Variants in KCMF1 observed in about 807,000 individuals in gnomAD.
KCMF1 encodes potassium channel modulatory factor 1, also known as E3 ubiquitin-protein ligase KCMF1.
In KCMF1, 3 loss-of-function variants were observed where a neutral mutation model predicts 41.1. The observed-to-expected ratio is 0.07, with a 90% confidence interval of 0.03 to 0.19. The LOEUF is 0.19. Among genes scored for constraint, KCMF1 ranks in the 10% least tolerant of loss-of-function variants. The probability of loss-of-function intolerance (pLI) is 1.00; values close to 1 mark genes in which losing one functional copy is unlikely to be tolerated. For missense variants in KCMF1, 286 were observed against 488.9 expected (o/e 0.58, Z 3.91); for synonymous variants, 142 against 164.5 (o/e 0.86, Z 1.04).
chr2:84,997,923 C>G (rs2103985648), intron 1 of KCMF1, among the ~76,000 whole-genome samples: 1 of 151,254 alleles, frequency 6.6e-6, no homozygotes, highest in Admixed American at 6.6e-5. Flanking sequence ...GTGTGCATCA[C>G]CACACCCAGC....
chr2:85,052,938 G>T (rs937966368), intron 6 of KCMF1, among the ~76,000 whole-genome samples: 1 of 151,888 alleles, frequency 6.6e-6, no homozygotes, highest in South Asian at 2.1e-4. Flanking sequence ...TTAAAGCATA[G>T]ATTTGCACCT....
intron 2 of KCMF1, among the ~76,000 whole-genome samples, chr2:85,032,258 G>A (rs187157948): frequency 2.2e-4 from 34 of 152,084 alleles, no homozygotes; most frequent in Non-Finnish European, 8.8e-5. Flanking sequence ...TGCAACTTCC[G>A]CCTCCTGGCT....
chr2:85,031,518 A>G (rs1332472074), intron 2 of KCMF1, among the ~76,000 whole-genome samples: 2 of 152,206 alleles, frequency 1.3e-5, no homozygotes, highest in Admixed American at 1.3e-4. Context: ...AATAAATTAC[A>G]TAAAATAGGC....
Position 84,976,868 on chromosome 2 carries a change from TA to T in KCMF1, c.16+5402del, listed in dbSNP as rs1233439873. Among the ~76,000 whole-genome samples, 5 of 152,136 alleles carry T rather than the reference TA, an allele frequency of 3.3e-5. No homozygotes were observed. In the East Asian group the frequency reaches 9.6e-4, roughly 29 times the overall value. On this transcript the variant is annotated intron_variant, in intron 1 of 6. Coordinates refer to ENST00000409785, the MANE Select transcript of KCMF1 (RefSeq NM_020122.5). Reference sequence around the variant, plus strand: ...ACTTAGTCCCAACTTTTTTTGTTTTTATTTTTTTAATTGGCAAAAATTGTAT... The same window carrying T: ...ACTTAGTCCCAACTTTTTTTGTTTTTTTTTTTTAATTGGCAAAAATTGTAT...
At chr2:85,040,875 C>T (rs568292339) in intron 3 of KCMF1, among the ~76,000 whole-genome samples, 158 of 152,202 alleles carry the variant, frequency 1.0e-3, no homozygotes, top group African/African-American at 3.6e-3. Context: ...ATTCTCCTGC[C>T]TCAGCCTCCT....
At chr2:85,030,671 G>T (rs1675245598) in intron 2 of KCMF1, among the ~76,000 whole-genome samples, 1 of 152,110 alleles carries the variant, frequency 6.6e-6, no homozygotes, top group South Asian at 2.1e-4. Flanking sequence ...TAGACTCTCA[G>T]TCTATTCACA....
At chr2:85,021,034 C>G (rs1213205262) in intron 1 of KCMF1, among the ~76,000 whole-genome samples, 3 of 152,068 alleles carry the variant, frequency 2.0e-5, no homozygotes, top group Non-Finnish European at 4.4e-5. Flanking sequence ...CACACTTAGC[C>G]AACTTTTATT....
intron 1 of KCMF1, among the ~76,000 whole-genome samples, chr2:85,008,931 T>C (rs532329131): frequency 5.3e-5 from 8 of 152,196 alleles, no homozygotes; most frequent in Admixed American, 2.0e-4. Context: ...GGTCTTACTA[T>C]ATCGCCCTGG....
At chr2:85,046,804 T>TC (rs933930752) in intron 5 of KCMF1, among the ~76,000 whole-genome samples, 5 of 152,042 alleles carry the variant, frequency 3.3e-5, no homozygotes, top group Non-Finnish European at 7.4e-5. Flanking sequence ...AGTCCAGTAG[T>TC]CCCCCCGTCA....
intron 1 of KCMF1, among the ~76,000 whole-genome samples, chr2:85,001,912 C>T (rs1674338982): frequency 1.3e-5 from 2 of 152,146 alleles, no homozygotes; most frequent in African/African-American, 2.4e-5. Flanking sequence ...AAGCTAGAAA[C>T]CTGCATAATA....
chr2:84,972,240 G>C (rs1286632762), intron 1 of KCMF1: 2 of 152,324 alleles, frequency 1.3e-5, no homozygotes, highest in Non-Finnish European at 2.9e-5. Context: ...AAATGACGAT[G>C]GTGAGGTCTG....
intron 6 of KCMF1, among the ~76,000 whole-genome samples, chr2:85,050,011 G>A (rs1675769237): frequency 6.6e-6 from 1 of 152,100 alleles, no homozygotes; most frequent in South Asian, 2.1e-4. Flanking sequence ...TGAGCCAGGT[G>A]TGATGGTGCG....
chr2:85,030,334 A>C (rs1005318060), intron 2 of KCMF1, among the ~76,000 whole-genome samples: 1 of 151,814 alleles, frequency 6.6e-6, no homozygotes, highest in East Asian at 1.9e-4. Flanking sequence ...CAAAACTTCT[A>C]ATTCTGATAA....
At chr2:84,998,668 T>C (rs959959495) in intron 1 of KCMF1, among the ~76,000 whole-genome samples, 1 of 150,616 alleles carries the variant, frequency 6.6e-6, no homozygotes, top group African/African-American at 2.4e-5. Flanking sequence ...TGATACGTGA[T>C]CCCGGTTCAC....
At chr2:85,028,888 A>G (rs1270785107) in intron 2 of KCMF1, among the ~76,000 whole-genome samples, 1 of 152,238 alleles carries the variant, frequency 6.6e-6, no homozygotes, top group Non-Finnish European at 1.5e-5. Flanking sequence ...AAGGAATGAA[A>G]TAGAAGAGTG....
chr2:85,026,492 A>ATTATTATTATTATTATTT (rs146823537), intron 1 of KCMF1, among the ~76,000 whole-genome samples: 99 of 143,138 alleles, frequency 6.9e-4, no homozygotes, highest in South Asian at 3.9e-3. Context: ...TATTATTATT[A>ATTATTATTATTATTATTT]TTATTTTTAT....
intron 1 of KCMF1, among the ~76,000 whole-genome samples, chr2:84,974,753 T>C (rs1403722194): frequency 2.4e-5 from 3 of 126,048 alleles, no homozygotes; most frequent in Non-Finnish European, 4.8e-5. Context: ...TTGCCCAGGC[T>C]AGGGTGCAGT....
chr2:84,992,658 A>T (rs1415284648), intron 1 of KCMF1, among the ~76,000 whole-genome samples: 1 of 151,276 alleles, frequency 6.6e-6, no homozygotes, highest in African/African-American at 2.4e-5. Context: ...CTTGAGACGG[A>T]GTCTAGCTCT....
At chr2:85,031,066 CAAG>C (rs1675254589) in intron 2 of KCMF1, among the ~76,000 whole-genome samples, 1 of 152,202 alleles carries the variant, frequency 6.6e-6, no homozygotes, top group African/African-American at 2.4e-5. Context: ...GCTTTGAAAT[CAAG>C]AAGAGTGAGT....
Sources: allele counts gnomAD v4.1 joint callset (sites outside exome capture counted in the v4.1 genomes callset), GRCh38; gene constraint gnomAD v4.1.1; transcripts MANE v1.5; gene names NCBI Gene and HGNC (gene_info 2026-07-23, HGNC 2026-07-21).